The following HLCS variants were observed in gnomAD, a reference collection of about 807,000 sequenced individuals.
The protein encoded by HLCS is holocarboxylase synthetase.
A neutral mutation model predicts 75.0 loss-of-function variants in HLCS; 53 were observed. The observed-to-expected ratio is 0.71, with a 90% CI of 0.57 to 0.89. The LOEUF (loss-of-function observed/expected upper bound fraction) is 0.89, where lower values mean the gene tolerates loss of function less well. Ranked by LOEUF, HLCS falls within the 40% of genes least tolerant of loss-of-function variation. The pLI is 0.00. For synonymous variants in HLCS, 431 were observed against 428.6 expected, an observed-to-expected ratio of 1.01 and a Z score of -0.07; for missense variants, 966 against 1,074.0, an observed-to-expected ratio of 0.90 and a Z score of 1.41.
intron 6 of HLCS, among the ~76,000 whole-genome samples, chr21:36,820,316 T>C (rs923535197): frequency 3.9e-5 from 6 of 152,152 alleles, no homozygotes; most frequent in Admixed American, 6.5e-5. Context: ...CCCTTCCGAG[T>C]TGAAGGGGCT....
chr21:36,865,266 C>A (rs529827845), intron 6 of HLCS, among the ~76,000 whole-genome samples: 12 of 152,018 alleles, frequency 7.9e-5, no homozygotes, highest in African/African-American at 2.9e-4. Flanking sequence ...CCAGAATGCG[C>A]GCCAGTTTAA....
chr21:36,976,278 G>C (rs1381371161), intron 1 of HLCS, among the ~76,000 whole-genome samples: 3 of 152,136 alleles, frequency 2.0e-5, no homozygotes, highest in African/African-American at 7.2e-5. Context: ...AATCACCTGG[G>C]AAAACAACCT....
intron 6 of HLCS, among the ~76,000 whole-genome samples, chr21:36,781,250 ACT>A (rs2060523079): frequency 7.5e-6 from 1 of 132,990 alleles, no homozygotes; most frequent in South Asian, 2.5e-4. Context: ...GGAGCGTGAA[ACT>A]CTGTCTCAAA....
At chr21:36,970,915 AC>A (rs2068769118), upstream of HLCS, among the ~76,000 whole-genome samples, 1 of 151,362 alleles carries the variant, frequency 6.6e-6, no homozygotes, top group African/African-American at 2.4e-5. Context: ...AATGGCGTGA[AC>A]CCAGGAGGCG....
At chr21:36,850,464 C>A (rs1251113052) in intron 6 of HLCS, among the ~76,000 whole-genome samples, 4 of 152,180 alleles carry the variant, frequency 2.6e-5, no homozygotes, top group Non-Finnish European at 5.9e-5. Flanking sequence ...GGAGAGACTG[C>A]TCTCTATCCT....
intron 1 of HLCS, among the ~76,000 whole-genome samples, chr21:36,973,151 G>C (rs2068838132): frequency 1.3e-5 from 2 of 151,482 alleles, no homozygotes; most frequent in African/African-American, 2.4e-5. Context: ...GATCACTTGA[G>C]CCCAGAAGGT....
chr21:36,755,173 G>A (rs1275857546), intron 10 of HLCS, among the ~76,000 whole-genome samples: 2 of 152,056 alleles, frequency 1.3e-5, no homozygotes, highest in Admixed American at 1.3e-4. Flanking sequence ...AAGGTGGGAG[G>A]ATTGCTTGAG....
At chr21:36,864,269 G>T (rs190770772) in intron 6 of HLCS, among the ~76,000 whole-genome samples, 1 of 151,810 alleles carries the variant, frequency 6.6e-6, no homozygotes, top group Non-Finnish European at 1.5e-5. Context: ...GCATGGTGGC[G>T]TGTGCCTGTA....
chr21:36,793,727 A>G (rs900881355), intron 6 of HLCS, among the ~76,000 whole-genome samples: 1 of 152,234 alleles, frequency 6.6e-6, no homozygotes, highest in African/African-American at 2.4e-5. Context: ...AGTAAAAATT[A>G]TGCAAAATTT....
intron 6 of HLCS, among the ~76,000 whole-genome samples, chr21:36,814,818 G>A (rs1159816808): frequency 6.6e-6 from 1 of 152,148 alleles, no homozygotes; most frequent in Admixed American, 6.5e-5. Context: ...AGGCAATGCT[G>A]ATACTGCTGG....
chr21:36,766,259 A>G (rs1164748679), intron 7 of HLCS, among the ~76,000 whole-genome samples: 2 of 151,990 alleles, frequency 1.3e-5, no homozygotes, highest in Non-Finnish European at 2.9e-5. Flanking sequence ...CCTGGGCTCA[A>G]GTGATCTTCT....
chr21:36,791,409 C>T (rs1481641551), intron 6 of HLCS, among the ~76,000 whole-genome samples: 4 of 151,924 alleles, frequency 2.6e-5, no homozygotes, highest in Non-Finnish European at 4.4e-5. Context: ...GAGGTATGAA[C>T]CAAAAATGAA....
chr21:36,957,884 G>C (rs1485852270), intron 2 of HLCS, among the ~76,000 whole-genome samples: 1 of 147,158 alleles, frequency 6.8e-6, no homozygotes, highest in Non-Finnish European at 1.5e-5. Context: ...AGCCGAGATC[G>C]CGCCACTGCA....
chr21:36,800,925 G>C (rs1029859009), intron 6 of HLCS, among the ~76,000 whole-genome samples: 3 of 151,994 alleles, frequency 2.0e-5, no homozygotes, highest in African/African-American at 7.3e-5. Flanking sequence ...GAGGGGCGGA[G>C]AGAGGTGTTG....
chr21:36,987,582 C>T (rs991204944), intron 1 of HLCS, among the ~76,000 whole-genome samples: 1 of 152,184 alleles, frequency 6.6e-6, no homozygotes, highest in African/African-American at 2.4e-5. Context: ...CACTGCACTC[C>T]AGCCTGGGCA....
Position 36,752,818 on chromosome 21 carries a change from T to C in HLCS, c.*1428A>G, listed in dbSNP as rs1781366683. On this transcript the variant is annotated 3_prime_UTR_variant, in exon 11 of 11. Transcript: ENST00000674895. ...CAGACTATACTAAAAACCACAAGTT[T>C]CTGGAATTAGCCTGACTGGGTAAGA... 1 of 152,274 alleles carries C rather than the reference T, an allele frequency of 6.6e-6. No individual in the cohort carries two copies. Among genetic ancestry groups the C allele is most frequent in the African/African-American group, 2.4e-5 (1 of 41,464 alleles). 9.4% of individuals were successfully genotyped at this position (152,274 alleles called of 1,614,324 possible).
rs116003182 is a variant in HLCS, at chr21:36,756,129, G to A, written c.2450+413C>T. ...AAAATAATCATTCAGACCAGTGCTC[G>A]GTCCCTCATTTTAAGATACTGAACT... On this transcript the variant is annotated intron_variant, in intron 10 of 10. Transcript: ENST00000674895. Among the ~76,000 whole-genome samples, 486 of 152,110 alleles carry A rather than the reference G, an allele frequency of 3.2e-3. 3 individuals carry two copies. Among genetic ancestry groups the A allele is most frequent in the African/African-American group, 0.011 (456 of 41,498 alleles).
chr21:36,780,852 A>G (rs1416698341), intron 6 of HLCS, among the ~76,000 whole-genome samples: 5 of 152,096 alleles, frequency 3.3e-5, no homozygotes. Context: ...ATACACAGTC[A>G]ATGACCAGTT....
At chr21:36,974,926 C>G (rs866141830) in intron 1 of HLCS, 18 of 152,200 alleles carry the variant, frequency 1.2e-4, no homozygotes, top group African/African-American at 3.9e-4. Context: ...AGTTCTCCGT[C>G]TCTGTCTCTA....
Sources: allele counts gnomAD v4.1 joint callset (sites outside exome capture counted in the v4.1 genomes callset), GRCh38; gene constraint gnomAD v4.1.1; transcripts MANE v1.5; gene names NCBI Gene and HGNC (gene_info 2026-07-23, HGNC 2026-07-21).